Variants in DLG2 observed in about 807,000 individuals in gnomAD.
DLG2 encodes disks large homolog 2.
A neutral mutation model predicts 132.5 loss-of-function variants in DLG2; 45 were observed. The observed-to-expected ratio is 0.34, with a 90% CI of 0.27 to 0.44. The LOEUF is 0.44. Ranked by LOEUF, DLG2 falls within the 20% of genes least tolerant of loss-of-function variation. DLG2 has a pLI of 1.00. For missense variants in DLG2, 1,045 were observed against 1,196.9 expected (o/e 0.87, Z 1.87); for synonymous variants, 424 against 419.6 (o/e 1.01, Z -0.13).
chr11:85,468,419 G>C (rs566681642), intron 3 of DLG2, among the ~76,000 whole-genome samples: 1 of 152,116 alleles, frequency 6.6e-6, no homozygotes, highest in South Asian at 2.1e-4. Context: ...GTCAATTTTA[G>C]ATCTTTTCTG....
intron 6 of DLG2, among the ~76,000 whole-genome samples, chr11:84,565,960 G>GGTT (rs2099452834): frequency 7.2e-6 from 1 of 139,470 alleles, no homozygotes; most frequent in African/African-American, 2.7e-5. Flanking sequence ...ATATGATGAA[G>GGTT]TTTTTTTTTT....
At chr11:85,216,166 T>C (rs2082580485) in intron 4 of DLG2, among the ~76,000 whole-genome samples, 1 of 152,086 alleles carries the variant, frequency 6.6e-6, no homozygotes, top group East Asian at 1.9e-4. Context: ...ATAATAGTAA[T>C]GGTAAGGAAA....
chr11:84,669,466 T>C (rs2153689959), intron 6 of DLG2, among the ~76,000 whole-genome samples: 1 of 152,308 alleles, frequency 6.6e-6, no homozygotes, highest in East Asian at 1.9e-4. Flanking sequence ...AACGCACTAC[T>C]ATCACCTCTG....
At chr11:84,312,917 C>A (rs1230998809) in intron 7 of DLG2, among the ~76,000 whole-genome samples, 2 of 152,018 alleles carry the variant, frequency 1.3e-5, no homozygotes, top group African/African-American at 2.4e-5. Flanking sequence ...TCAAGAGATT[C>A]TCCTGCCTCA....
intron 3 of DLG2, among the ~76,000 whole-genome samples, chr11:85,347,954 C>T (rs1384026981): frequency 1.4e-5 from 2 of 140,626 alleles, no homozygotes; most frequent in Non-Finnish European, 3.0e-5. Context: ...CAGACTCATG[C>T]CACCACACTT....
chr11:85,044,180 T>C (rs772895205), intron 6 of DLG2, among the ~76,000 whole-genome samples: 30 of 152,008 alleles, frequency 2.0e-4, no homozygotes, highest in Non-Finnish European at 4.1e-4. Flanking sequence ...CTACAGAGTT[T>C]CCTTTTGTGC....
intron 5 of DLG2, among the ~76,000 whole-genome samples, chr11:85,127,929 G>A (rs2075317140): frequency 6.6e-6 from 1 of 152,086 alleles, no homozygotes; most frequent in South Asian, 2.1e-4. Context: ...TATTTTTAAT[G>A]CCTGGCAATA....
At chr11:84,274,535 T>C (rs891973155) in intron 7 of DLG2, among the ~76,000 whole-genome samples, 4 of 152,202 alleles carry the variant, frequency 2.6e-5, no homozygotes, top group Non-Finnish European at 4.4e-5. Flanking sequence ...AGCAGCATGA[T>C]TTGGGTTACC....
intron 6 of DLG2, among the ~76,000 whole-genome samples, chr11:84,781,057 A>AGTGTG (rs1555218891): frequency 7.0e-6 from 1 of 142,934 alleles, no homozygotes; most frequent in East Asian, 2.1e-4. Context: ...TCATAACTTA[A>AGTGTG]TGTGTGTGTG....
chr11:84,448,179 C>A (rs2099041125), intron 7 of DLG2, among the ~76,000 whole-genome samples: 1 of 152,024 alleles, frequency 6.6e-6, no homozygotes, highest in Non-Finnish European at 1.5e-5. Flanking sequence ...TGGGAACTTT[C>A]TTTTAAGTAA....
intron 16 of DLG2, among the ~76,000 whole-genome samples, chr11:83,840,977 C>T (rs1565292212): frequency 6.6e-6 from 1 of 152,142 alleles, no homozygotes; most frequent in East Asian, 1.9e-4. Flanking sequence ...ATTACAGCTG[C>T]TCAAGACCCA....
At chr11:83,532,105 A>T (rs886621381) in intron 21 of DLG2, among the ~76,000 whole-genome samples, 2 of 152,006 alleles carry the variant, frequency 1.3e-5, no homozygotes, top group Non-Finnish European at 2.9e-5. Context: ...TATACTAAAA[A>T]CCACTGGATT....
intron 7 of DLG2, among the ~76,000 whole-genome samples, chr11:84,450,200 T>C (rs1041548631): frequency 6.6e-6 from 1 of 151,864 alleles, no homozygotes; most frequent in Non-Finnish European, 1.5e-5. Flanking sequence ...TCAAACCCTG[T>C]CTGACTCTCA....
At chr11:84,849,667 G>T (rs1342796491) in intron 6 of DLG2, among the ~76,000 whole-genome samples, 1 of 151,978 alleles carries the variant, frequency 6.6e-6, no homozygotes, top group East Asian at 1.9e-4. Flanking sequence ...TCCTCAGACA[G>T]GTCTTTCTTA....
intron 6 of DLG2, among the ~76,000 whole-genome samples, chr11:84,598,413 A>C (rs1308447045): frequency 6.6e-6 from 1 of 152,170 alleles, no homozygotes; most frequent in Non-Finnish European, 1.5e-5. Context: ...TAAAGTACCC[A>C]AGGTGGCTCC....
intron 3 of DLG2, among the ~76,000 whole-genome samples, chr11:85,587,657 G>C (rs546972638): frequency 6.6e-6 from 1 of 152,144 alleles, no homozygotes; most frequent in Non-Finnish European, 1.5e-5. Flanking sequence ...CTGCCATTCT[G>C]TATTTTTTAA....
intron 6 of DLG2, among the ~76,000 whole-genome samples, chr11:84,786,250 T>C (rs2072875095): frequency 6.6e-6 from 1 of 152,170 alleles, no homozygotes; most frequent in South Asian, 2.1e-4. Flanking sequence ...AAGCCCTCAA[T>C]TTTGTACCTG....
At chr11:85,218,436 T>C (rs764962728) in intron 4 of DLG2, among the ~76,000 whole-genome samples, 9 of 152,042 alleles carry the variant, frequency 5.9e-5, no homozygotes, top group Non-Finnish European at 1.2e-4. Flanking sequence ...AAAGAAGATA[T>C]ACAAGAAGCC....
intron 16 of DLG2, among the ~76,000 whole-genome samples, chr11:83,872,424 G>A (rs2063650357): frequency 6.6e-6 from 1 of 152,160 alleles, no homozygotes; most frequent in South Asian, 2.1e-4. Context: ...ATAGGGAATA[G>A]AATATATTGT....
Sources: gnomAD v4.1 joint callset for allele counts (sites outside exome capture counted in the v4.1 genomes callset) on GRCh38, gnomAD v4.1.1 for gene constraint, MANE v1.5 for transcripts, NCBI Gene and HGNC (gene_info 2026-07-23, HGNC 2026-07-21) for gene names.